The following MYBPC1 variants were observed in gnomAD, a reference collection of about 807,000 sequenced individuals.
MYBPC1 encodes myosin binding protein C1.
In MYBPC1, 52 loss-of-function variants were observed where a neutral mutation model predicts 147.1. That is an observed-to-expected ratio of 0.35 (90% confidence interval 0.28 to 0.45). The LOEUF (loss-of-function observed/expected upper bound fraction) is 0.45, where lower values mean the gene tolerates loss of function less well. Among genes scored for constraint, MYBPC1 ranks in the 20% least tolerant of loss-of-function variants. The pLI, the probability that MYBPC1 is intolerant of heterozygous loss-of-function variation, is 1.00. For synonymous variants in MYBPC1, 477 were observed against 475.9 expected, an observed-to-expected ratio of 1.00 and a Z score of -0.03; for missense variants, 1,228 against 1,440.3, an observed-to-expected ratio of 0.85 and a Z score of 2.39.
intron 10 of MYBPC1, 52 bp from the exon 11 acceptor site, chr12:101,642,367 T>C: frequency 6.3e-7 from 1 of 1,588,450 alleles, no homozygotes; most frequent in Middle Eastern, 1.7e-4. Flanking sequence ...ACCTTCGTGG[T>C]CTCTAAGGGT....
At chr12:101,610,940 C>T (rs1172983631) in intron 1 of MYBPC1, among the ~76,000 whole-genome samples, 4 of 152,178 alleles carry the variant, frequency 2.6e-5, no homozygotes, top group Admixed American at 6.5e-5. Flanking sequence ...CAAAGAGTCT[C>T]AGTTCCCACT....
chr12:101,620,643 A>T (rs1275608208), intron 3 of MYBPC1, among the ~76,000 whole-genome samples: 1 of 152,204 alleles, frequency 6.6e-6, no homozygotes. Flanking sequence ...TAATTGGAGT[A>T]GGTTTCTGCT....
chr12:101,634,613 C>T lies in MYBPC1; in HGVS notation c.608+8C>T. ...ATCTGCTTTCAAGAGAAGGTAACTC[C>T]AAAAGAAAAATCTAGATAGCTTTTG... is the stretch of plus-strand genomic sequence containing the variant. On this transcript the variant is annotated splice_region_variant and intron_variant, in intron 9 of 31. Transcript: ENST00000361466. 6.2e-7 allele frequency: 1 copy of T among 1,607,050 alleles called. No individual in the cohort carries two copies. The highest frequency in any genetic ancestry group is 8.5e-7 in the Non-Finnish European group (1 of 1,173,814).
chr12:101,691,449 TTCAC>T, the MYBPC1 span, among the ~76,000 whole-genome samples: 1 of 152,232 alleles, frequency 6.6e-6, no homozygotes, highest in Non-Finnish European at 1.5e-5. Context: ...AACTGGTTAT[TTCAC>T]ACACAACAGT....
At chr12:101,596,278 A>T (rs1565865227) in intron 1 of MYBPC1, among the ~76,000 whole-genome samples, 1 of 152,236 alleles carries the variant, frequency 6.6e-6, no homozygotes, top group Non-Finnish European at 1.5e-5. Context: ...GGCAGAGGGC[A>T]TTGATGGATG....
At chr12:101,658,299 A>G (rs1251145730) in intron 18 of MYBPC1, among the ~76,000 whole-genome samples, 1 of 152,182 alleles carries the variant, frequency 6.6e-6, no homozygotes, top group Non-Finnish European at 1.5e-5. Context: ...TAACATGATT[A>G]TATCAACCGA....
At chr12:101,623,288 G>A (rs1244451868) in intron 3 of MYBPC1, among the ~76,000 whole-genome samples, 4 of 152,112 alleles carry the variant, frequency 2.6e-5, no homozygotes, top group Non-Finnish European at 5.9e-5. Context: ...GCAGTGAGCC[G>A]AGATTGTGCC....
downstream of MYBPC1, among the ~76,000 whole-genome samples, chr12:101,687,567 T>A (rs543936664): frequency 6.6e-6 from 1 of 152,342 alleles, no homozygotes; most frequent in African/African-American, 2.4e-5. Context: ...ACGTGCACAG[T>A]ATTGGTTAAG....
intron 18 of MYBPC1, among the ~76,000 whole-genome samples, chr12:101,658,063 G>A (rs1355722227): frequency 3.3e-5 from 5 of 151,156 alleles, no homozygotes; most frequent in Admixed American, 2.6e-4. Flanking sequence ...CCCGGGAGGC[G>A]GAGCTTGCAG....
At chr12:101,660,154 G>A (rs1030403315) in intron 19 of MYBPC1, 2 of 386,402 alleles carry the variant, frequency 5.2e-6, no homozygotes, top group Non-Finnish European at 9.9e-6. Flanking sequence ...CTATCGAAGT[G>A]CATTTTTCCT....
chr12:101,629,389 G>T, intron 5 of MYBPC1, 45 bp from the exon 6 acceptor site: 1 of 1,330,330 alleles, frequency 7.5e-7, no homozygotes. Flanking sequence ...TGCCTAAGAA[G>T]AGCCTGGCCC....
chr12:101,607,062 G>A (rs1273505147), intron 1 of MYBPC1, among the ~76,000 whole-genome samples: 4 of 152,176 alleles, frequency 2.6e-5, no homozygotes, highest in African/African-American at 9.7e-5. Flanking sequence ...CTGAGCTCAA[G>A]CGATTCGATC....
In MYBPC1 at chr12:101,642,574, A is replaced by C; in HGVS notation, c.821A>C (p.Lys274Thr). Residue 274 changes from lysine to threonine, a missense_variant, in exon 11 of 32, where the codon AAG (lysine) becomes ACG (threonine). Lys to Thr is a moderately conservative substitution (Grantham distance 78, BLOSUM62 -1). Transcript: ENST00000361466. ...KRLKRMRREE[K>T]KSAAFAKILD... ...CTCAAGCGCATGCGCAGAGAGGAGA[A>C]GAAGAGCGCAGGTGAGCGCTCCCGG... 1 of 1,611,196 alleles carries C rather than the reference A, an allele frequency of 6.2e-7. No individual in the cohort carries two copies. The highest frequency in any genetic ancestry group is 8.5e-7 in the Non-Finnish European group (1 of 1,178,854).
intron 26 of MYBPC1, among the ~76,000 whole-genome samples, chr12:101,676,764 A>T (rs73182452): frequency 2.0e-4 from 30 of 151,834 alleles, no homozygotes; most frequent in African/African-American, 6.3e-4. Context: ...AAGAAAAAAA[A>T]AATAATAATG....
At chr12:101,599,828 G>C (rs551522445) in intron 1 of MYBPC1, among the ~76,000 whole-genome samples, 26 of 152,254 alleles carry the variant, frequency 1.7e-4, no homozygotes, top group Non-Finnish European at 3.5e-4. Context: ...TTTTCCTCCT[G>C]AGAAAAACCA....
In MYBPC1 at chr12:101,650,848, A is replaced by T. The variant is rs112004556; in HGVS notation, c.1364-383A>T. 634 of 294,000 alleles carry T rather than the reference A, an allele frequency of 2.2e-3. 4 individuals are homozygous for T. The highest frequency in any genetic ancestry group is 0.013 in the African/African-American group (598 of 46,036). 18.2% of individuals were successfully genotyped at this position (294,000 alleles called of 1,614,324 possible). ...ATGCTGGAAGTGTTGTGGCTTGTGAACTGTTGTGAAGCAGTAGAAAGAGGA... is the reference window on the plus strand; with the variant it reads ...ATGCTGGAAGTGTTGTGGCTTGTGATCTGTTGTGAAGCAGTAGAAAGAGGA... On this transcript the variant is annotated intron_variant, in intron 15 of 31. Coordinates refer to ENST00000361466, the MANE Select transcript of MYBPC1 (RefSeq NM_002465.4).
chr12:101,599,433 G>A (rs1878896278), intron 1 of MYBPC1, among the ~76,000 whole-genome samples: 1 of 152,098 alleles, frequency 6.6e-6, no homozygotes, highest in Non-Finnish European at 1.5e-5. Context: ...TGAATGTAGA[G>A]CAGCATTCAT....
At chr12:101,655,720 T>C (rs1895431575) in intron 18 of MYBPC1, among the ~76,000 whole-genome samples, 1 of 152,194 alleles carries the variant, frequency 6.6e-6, no homozygotes, top group African/African-American at 2.4e-5. Context: ...ATAAAGACTT[T>C]CTCAGACAAA....
At chr12:101,651,414 G>A (rs371370556) in intron 16 of MYBPC1, 21 bp downstream of exon 16, 113 of 1,613,508 alleles carry the variant, frequency 7.0e-5, no homozygotes, top group African/African-American at 3.9e-4. Context: ...CAGGTGACCC[G>A]CAAGTGAGGT....
Sources: allele counts gnomAD v4.1 joint callset (sites outside exome capture counted in the v4.1 genomes callset), GRCh38; gene constraint gnomAD v4.1.1; transcripts MANE v1.5; gene names NCBI Gene and HGNC (gene_info 2026-07-23, HGNC 2026-07-21).